The following SLC10A6 variants were observed in gnomAD, a reference collection of about 807,000 sequenced individuals.
The protein encoded by SLC10A6 is solute carrier family 10 member 6, also known as sodium-dependent organic anion transporter.
Under a neutral mutation model 30.0 loss-of-function variants are expected in SLC10A6, and 27 were observed. The ratio of observed to expected loss-of-function variants is 0.90; its 90% CI spans 0.66 to 1.24. The LOEUF (loss-of-function observed/expected upper bound fraction) is 1.24, where lower values mean the gene tolerates loss of function less well. Among genes scored for constraint, SLC10A6 ranks in the 50% most tolerant of loss-of-function variants. The probability of loss-of-function intolerance (pLI) is 0.00; values close to 1 mark genes in which losing one functional copy is unlikely to be tolerated. For missense variants in SLC10A6, 439 were observed against 457.0 expected (o/e 0.96, Z 0.36); for synonymous variants, 166 against 173.8 (o/e 0.95, Z 0.36).
At chr4:86,847,328 T>C (rs1746408222) in intron 1 of SLC10A6, among the ~76,000 whole-genome samples, 1 of 152,198 alleles carries the variant, frequency 6.6e-6, no homozygotes, top group African/African-American at 2.4e-5. Context: ...ATTAGTTTCC[T>C]TTTTCTTTCC....
chr4:86,843,249 C>T (rs1447065589), intron 1 of SLC10A6, among the ~76,000 whole-genome samples: 2 of 151,952 alleles, frequency 1.3e-5, no homozygotes, highest in African/African-American at 2.4e-5. Flanking sequence ...TCATGTTTAC[C>T]GAGTGCCTAC....
intron 3 of SLC10A6, 85 bp from the exon 4 acceptor site, chr4:86,828,253 G>A: frequency 7.1e-7 from 1 of 1,402,730 alleles, no homozygotes; most frequent in South Asian, 1.6e-5. Context: ...TAAAATGCTT[G>A]GGATCTAGAA....
At chr4:86,833,242 G>T (rs1008473505) in intron 2 of SLC10A6, 64 bp downstream of exon 2, 8 of 1,262,288 alleles carry the variant, frequency 6.3e-6, no homozygotes, top group Non-Finnish European at 9.1e-6. Context: ...ATATAATTAA[G>T]AACAGCTATT....
chr4:86,848,438 A>G (rs1321844894), intron 1 of SLC10A6, among the ~76,000 whole-genome samples: 2 of 152,172 alleles, frequency 1.3e-5, no homozygotes, highest in African/African-American at 4.8e-5. Flanking sequence ...AGGCCAGTGT[A>G]GGTAAGAATG....
chr4:86,843,920 G>A (rs1272664), intron 1 of SLC10A6, among the ~76,000 whole-genome samples: 6 of 151,976 alleles, frequency 3.9e-5, no homozygotes, highest in Admixed American at 2.6e-4. Flanking sequence ...GGCTCACACC[G>A]GTAATCCCAG....
intron 1 of SLC10A6, among the ~76,000 whole-genome samples, chr4:86,839,094 A>T (rs933714894): frequency 3.3e-5 from 5 of 151,690 alleles, no homozygotes; most frequent in Admixed American, 3.3e-4. Flanking sequence ...TTATTTCATG[A>T]TTGTTTGTTA....
At position 86,832,887 on chromosome 4, in the gene SLC10A6, C is replaced by T. The variant is rs544273158; in HGVS notation, c.496+419G>A. The stretch of plus-strand genomic sequence containing the variant: ...GTGAAAGGTGAAGTCACAGGAAGGT[C>T]TAATTAGAGCCACTAGATCCAGTTA... On this transcript the variant is annotated intron_variant, in intron 2 of 5. Coordinates refer to ENST00000273905, the MANE Select transcript of SLC10A6 (RefSeq NM_197965.3). 2.0e-5 allele frequency among the ~76,000 whole-genome samples: 3 copies of T among 152,234 alleles called. No individual in the cohort carries two copies. In the East Asian group the frequency reaches 5.8e-4, roughly 29 times the overall value.
chr4:86,826,534 G>A (rs1020355537), intron 4 of SLC10A6, among the ~76,000 whole-genome samples: 1 of 127,588 alleles, frequency 7.8e-6, no homozygotes, highest in Non-Finnish European at 1.6e-5. Flanking sequence ...TCCAGCCTGG[G>A]CAACGAGGTC....
At chr4:86,846,775 A>G (rs937678761) in intron 1 of SLC10A6, among the ~76,000 whole-genome samples, 4 of 152,150 alleles carry the variant, frequency 2.6e-5, no homozygotes, top group African/African-American at 4.8e-5. Flanking sequence ...GTGTACATAT[A>G]TATACATATA....
chr4:86,832,386 C>T lies in SLC10A6; in HGVS notation c.497-506G>A, dbSNP rs111318931. On this transcript the variant is annotated intron_variant, in intron 2 of 5. Transcript: ENST00000273905. ...TTGGGAGGCCAAGGTGGGTGGACTG[C>T]CTGAGCTCAGGAGTTTGAGACCAGC... Among the ~76,000 whole-genome samples, 924 of 152,148 alleles carry T rather than the reference C, an allele frequency of 6.1e-3. 9 individuals carry two copies. Among genetic ancestry groups the T allele is most frequent in the African/African-American group, 0.021 (889 of 41,502 alleles).
chr4:86,838,912 C>CAAAA (rs149710895), intron 1 of SLC10A6, among the ~76,000 whole-genome samples: 5 of 75,896 alleles, frequency 6.6e-5, no homozygotes, highest in East Asian at 5.8e-4. Context: ...GACAGTGTCT[C>CAAAA]AAAAAAAAAA....
chr4:86,848,845 A>G lies in SLC10A6; in HGVS notation c.271T>C (p.Ser91Pro), dbSNP rs1483221172. Reference sequence around the variant, plus strand: ...GCAATAGCTTGGACTGGCTTCAGAGAAAAGCTAATGGCCAGGAGATAAGCT... The same window carrying G: ...GCAATAGCTTGGACTGGCTTCAGAGGAAAGCTAATGGCCAGGAGATAAGCT... ...FTAYLLAISF[S>P]LKPVQAIAVL... The change falls in exon 1 of 6, where the codon TCT becomes CCT. Residue 91 changes from serine to proline, a missense_variant. Ser to Pro is a moderately conservative substitution (Grantham distance 74). Transcript: ENST00000273905. The G allele has an allele frequency of 7.4e-6, 12 of 1,614,084 alleles. No individual in the cohort carries two copies. Among genetic ancestry groups the G allele is most frequent in the Non-Finnish European group, 1.0e-5 (12 of 1,180,038 alleles).
At position 86,837,277 on chromosome 4, in the gene SLC10A6, AAG is replaced by A. The variant is rs1380418819; in HGVS notation, c.378-3855_378-3854del. On this transcript the variant is annotated intron_variant, in intron 1 of 5. Coordinates refer to ENST00000273905, the MANE Select transcript of SLC10A6 (RefSeq NM_197965.3). Reference sequence around the variant, plus strand: ...AAAGAAAGAAAGAAAGAAAGAAAGAAAGAAAGAAAAAGAAAGGAAGGAAGGAA... The same window carrying A: ...AAAGAAAGAAAGAAAGAAAGAAAGAAAAAGAAAAAGAAAGGAAGGAAGGAA... 4.4e-3 allele frequency among the ~76,000 whole-genome samples: 427 copies of A among 96,044 alleles called. 1 individual carries two copies. Among genetic ancestry groups the A allele is most frequent in the Middle Eastern group, 0.016 (3 of 188 alleles). The allele number at this position is 96,044 out of a possible 152,430, so 63.0% of individuals were successfully genotyped here. A position where few individuals can be genotyped will look rare whatever the true frequency, so the allele number is the denominator to read the frequency against.
chr4:86,824,792 T>G (rs1196351210), intron 5 of SLC10A6, among the ~76,000 whole-genome samples: 1 of 152,132 alleles, frequency 6.6e-6, no homozygotes, highest in Non-Finnish European at 1.5e-5. Flanking sequence ...CACCCAATGT[T>G]TAGCTCCCAC....
At chr4:86,841,465 CTAAG>C (rs1206440617) in intron 1 of SLC10A6, among the ~76,000 whole-genome samples, 12 of 152,274 alleles carry the variant, frequency 7.9e-5, no homozygotes, top group African/African-American at 2.9e-4. Context: ...GAGGATGTGG[CTAAG>C]TAAGTCTCTT....
chr4:86,841,743 A>C (rs1746293740), intron 1 of SLC10A6, among the ~76,000 whole-genome samples: 1 of 152,334 alleles, frequency 6.6e-6, no homozygotes, highest in Admixed American at 6.5e-5. Flanking sequence ...AATTTCAAAA[A>C]TCCCATAAAA....
Position 86,848,483 on chromosome 4 carries a change from C to T in SLC10A6, c.377+256G>A, listed in dbSNP as rs73838353. On this transcript the variant is annotated intron_variant, in intron 1 of 5. Transcript: ENST00000273905. ...TTAGGAAGGGCCACTGGGTGAGGTG[C>T]AGACCTGCCTCCACTGCTCAGAACG... is the stretch of plus-strand genomic sequence containing the variant. Among the ~76,000 whole-genome samples, 492 of 152,320 alleles carry T rather than the reference C, an allele frequency of 3.2e-3. 4 individuals are homozygous for T. The highest frequency in any genetic ancestry group is 0.011 in the African/African-American group (468 of 41,560).
intron 3 of SLC10A6, among the ~76,000 whole-genome samples, chr4:86,831,035 T>C (rs12498606): frequency 0.2 from 29,944 of 152,154 alleles, 4,616 homozygotes; most frequent in African/African-American, 0.43. Flanking sequence ...TGCAATGGCA[T>C]GATAATGGCT....
chr4:86,837,221 GAGAGAGAAAGAAAGAAAGAA>G (rs1434521793), intron 1 of SLC10A6, among the ~76,000 whole-genome samples: 2 of 78,612 alleles, frequency 2.5e-5, no homozygotes, highest in Non-Finnish European at 4.5e-5. Context: ...GAGAGAGAGA[GAGAGAGAAAGAAAGAAAGAA>G]AGAAAGAAAG....
Sources: gnomAD v4.1 joint callset for allele counts (sites outside exome capture counted in the v4.1 genomes callset) on GRCh38, gnomAD v4.1.1 for gene constraint, MANE v1.5 for transcripts, NCBI Gene and HGNC (gene_info 2026-07-23, HGNC 2026-07-21) for gene names.